Variants in CDC42EP3 observed in about 807,000 individuals in gnomAD.
The protein encoded by CDC42EP3 is CDC42 effector protein (Rho GTPase binding) 3.
A neutral mutation model predicts 15.5 loss-of-function variants in CDC42EP3; 4 were observed. The observed-to-expected ratio is 0.26, with a 90% CI of 0.13 to 0.59. CDC42EP3 has a LOEUF of 0.59. Among genes scored for constraint, CDC42EP3 ranks in the 20% least tolerant of loss-of-function variants. The pLI is 0.89. For missense variants in CDC42EP3, 309 were observed against 311.2 expected (o/e 0.99, Z 0.05); for synonymous variants, 145 against 130.3 (o/e 1.11, Z -0.77).
chr2:37,648,094 A>AGAT (rs1665534660), intron 1 of CDC42EP3, among the ~76,000 whole-genome samples: 2 of 152,210 alleles, frequency 1.3e-5, no homozygotes. Flanking sequence ...CTATATGATA[A>AGAT]GATTAGGAGG....
chr2:37,666,097 G>A (rs540189199), intron 1 of CDC42EP3, among the ~76,000 whole-genome samples: 264 of 152,142 alleles, frequency 1.7e-3, no homozygotes, highest in Non-Finnish European at 1.8e-3. Flanking sequence ...CATCCTCATC[G>A]CTCTCTTCCT....
chr2:37,648,938 C>T (rs532551994), intron 1 of CDC42EP3, among the ~76,000 whole-genome samples: 28 of 152,212 alleles, frequency 1.8e-4, no homozygotes, highest in Middle Eastern at 3.4e-3. Flanking sequence ...CCTCAGCACA[C>T]ACGGCCAGGA....
chr2:37,667,967 G>A (rs1161975603), intron 1 of CDC42EP3, among the ~76,000 whole-genome samples: 1 of 152,144 alleles, frequency 6.6e-6, no homozygotes, highest in East Asian at 1.9e-4. Flanking sequence ...TATCCTCCAC[G>A]GATATGTTCC....
At chr2:37,661,845 G>A (rs566697775) in intron 1 of CDC42EP3, among the ~76,000 whole-genome samples, 1 of 152,254 alleles carries the variant, frequency 6.6e-6, no homozygotes, top group South Asian at 2.1e-4. Flanking sequence ...AAGAAATTAT[G>A]TTATTATCTG....
In CDC42EP3 at chr2:37,646,171, C is replaced by T. The variant is rs758245630; in HGVS notation, c.417G>A (p.Lys139=). The change falls in exon 2 of 2, where the codon AAG becomes AAA. Residue 139 remains lysine, a synonymous_variant. Coordinates refer to ENST00000295324, the MANE Select transcript of CDC42EP3 (RefSeq NM_006449.5). ...CGGGCTCGCAGCTAAGCCTGGGCAG[C>T]TTTGCTGGCCCGAAGGACTCCTGTT... ...NSKQESFGPA[K]LPRLSCEPVM... 11 of 1,614,184 alleles carry T rather than the reference C, an allele frequency of 6.8e-6. No individual in the cohort carries two copies. The East Asian group carries it at 2.2e-4, about 33-fold the overall frequency.
intron 1 of CDC42EP3, among the ~76,000 whole-genome samples, chr2:37,663,355 A>C (rs1034252072): frequency 6.6e-6 from 1 of 152,348 alleles, no homozygotes; most frequent in East Asian, 1.9e-4. Context: ...ACTGACGCTA[A>C]TATAACAAAT....
rs1665482354 is a variant in CDC42EP3, at chr2:37,646,499, A to G, written c.89T>C (p.Met30Thr). The change falls in exon 2 of 2, where the codon ATG becomes ACG. Residue 30 changes from methionine (M) to threonine (T), a missense_variant. By Grantham distance (81) the Met-to-Thr change is moderately conservative. Coordinates refer to ENST00000295324, the MANE Select transcript of CDC42EP3 (RefSeq NM_006449.5). ...AAAGTCTCCAAGCGGGGGACTGATCATATCAGGAGACAGAATGTCCCTCAG... is the reference window on the plus strand; with the variant it reads ...AAAGTCTCCAAGCGGGGGACTGATCGTATCAGGAGACAGAATGTCCCTCAG... Reference protein sequence around the residue: ...FKLRDILSPDMISPPLGDFRH... With the variant: ...FKLRDILSPDTISPPLGDFRH... 1.9e-6 allele frequency: 3 copies of G among 1,605,918 alleles called. No individual in the cohort carries two copies. Among genetic ancestry groups the G allele is most frequent in the Non-Finnish European group, 2.5e-6 (3 of 1,177,794 alleles).
chr2:37,653,236 G>A (rs1665744628), intron 1 of CDC42EP3, among the ~76,000 whole-genome samples: 1 of 152,148 alleles, frequency 6.6e-6, no homozygotes. Context: ...CAGACAGGTG[G>A]GCACAGTGCT....
At chr2:37,654,132 T>C (rs1665775124) in intron 1 of CDC42EP3, among the ~76,000 whole-genome samples, 1 of 152,120 alleles carries the variant, frequency 6.6e-6, no homozygotes, top group Admixed American at 6.5e-5. Context: ...CCAAGTACCC[T>C]CCGCCGCCTC....
At chr2:37,665,803 G>A (rs1666230929) in intron 1 of CDC42EP3, among the ~76,000 whole-genome samples, 1 of 152,136 alleles carries the variant, frequency 6.6e-6, no homozygotes, top group Admixed American at 6.5e-5. Context: ...TTTCAACCCA[G>A]AGTCTTACAT....
intron 1 of CDC42EP3, among the ~76,000 whole-genome samples, chr2:37,654,816 CAG>C (rs1665797785): frequency 6.6e-6 from 1 of 152,168 alleles, no homozygotes; most frequent in Non-Finnish European, 1.5e-5. Flanking sequence ...TCTTTGGGAT[CAG>C]AAACACTAAA....
rs1465388251 is a variant in CDC42EP3, at chr2:37,646,462, G to A, written c.126C>T (p.Ile42=). ...CGTGCTGGCCCTCTTTGCCAATGTG[G>A]ATGGTGTGGCGAAAGTCTCCAAGCG... ...SPPLGDFRHT[I]HIGKEGQHDV... Residue 42 remains isoleucine, a synonymous_variant, in exon 2 of 2, where the codon ATC becomes ATT. Coordinates refer to ENST00000295324, the MANE Select transcript of CDC42EP3 (RefSeq NM_006449.5). 1.9e-6 allele frequency: 3 copies of A among 1,614,064 alleles called. No individual in the cohort carries two copies. Among genetic ancestry groups the A allele is most frequent in the Non-Finnish European group, 2.5e-6 (3 of 1,180,030 alleles).
Position 37,646,709 on chromosome 2 carries a change from G to A in CDC42EP3, c.-122C>T, listed in dbSNP as rs1390994313. 1 of 1,013,382 alleles carries A rather than the reference G, an allele frequency of 9.9e-7. No homozygotes were observed. The highest frequency in any genetic ancestry group is 1.5e-6 in the Non-Finnish European group (1 of 688,084). The allele number at this position is 1,013,382 out of a possible 1,614,324, so 62.8% of individuals were successfully genotyped here. On this transcript the variant is annotated 5_prime_UTR_variant, in exon 2 of 2. Coordinates refer to ENST00000295324, the MANE Select transcript of CDC42EP3 (RefSeq NM_006449.5). ...ACATCATTTTTCTCAAGTGGCTTCA[G>A]AAGTGGCTTCGAAATGAGATGGGGT...
chr2:37,661,441 TA>T (rs1463420602), intron 1 of CDC42EP3, among the ~76,000 whole-genome samples: 8 of 152,144 alleles, frequency 5.3e-5, no homozygotes, highest in African/African-American at 1.9e-4. Flanking sequence ...TTATCAAATC[TA>T]AAGATAAACA....
chr2:37,665,209 C>T (rs1193194665), intron 1 of CDC42EP3, among the ~76,000 whole-genome samples: 1 of 151,938 alleles, frequency 6.6e-6, no homozygotes, highest in Non-Finnish European at 1.5e-5. Flanking sequence ...GCCTCTGATA[C>T]AAGAAAAAAG....
rs1665318181 is a variant in CDC42EP3 at position 37,643,015 on chromosome 2, A to T, written c.*2808T>A. On this transcript the variant is annotated 3_prime_UTR_variant, in exon 2 of 2. Coordinates refer to ENST00000295324, the MANE Select transcript of CDC42EP3 (RefSeq NM_006449.5). ...TTTGTTAGGTCTCACTAGGGGAAAA[A>T]AATCGCTCACAAGAGCCTTGCCTAC... 6.6e-6 allele frequency: 1 copy of T among 152,206 alleles called. No individual in the cohort carries two copies. The highest frequency in any genetic ancestry group is 6.5e-5 in the Admixed American group (1 of 15,284). 9.4% of individuals were successfully genotyped at this position (152,206 alleles called of 1,614,324 possible).
chr2:37,664,847 G>A (rs961597934), intron 1 of CDC42EP3, among the ~76,000 whole-genome samples: 9 of 152,140 alleles, frequency 5.9e-5, no homozygotes, highest in Non-Finnish European at 1.0e-4. Flanking sequence ...TCACTTGTAA[G>A]TGGGAGCTAA....
intron 1 of CDC42EP3, among the ~76,000 whole-genome samples, chr2:37,648,425 A>G (rs2124612129): frequency 6.6e-6 from 1 of 152,324 alleles, no homozygotes; most frequent in South Asian, 2.1e-4. Context: ...AAATTCATTT[A>G]CCAGTGGCAG....
chr2:37,653,255 C>T (rs769104468), intron 1 of CDC42EP3, among the ~76,000 whole-genome samples: 4 of 152,252 alleles, frequency 2.6e-5, no homozygotes, highest in Middle Eastern at 6.8e-3. Context: ...CTGCTGAGAA[C>T]GGACATGCTC....
Sources: allele counts gnomAD v4.1 joint callset (sites outside exome capture counted in the v4.1 genomes callset), GRCh38; gene constraint gnomAD v4.1.1; transcripts MANE v1.5; gene names NCBI Gene and HGNC (gene_info 2026-07-23, HGNC 2026-07-21).